CD99L2: variants seen among roughly 807,000 people sequenced by gnomAD.
CD99L2 encodes the protein CD99 antigen-like protein 2.
In CD99L2, 24 loss-of-function variants were observed where a neutral mutation model predicts 27.3. That is an observed-to-expected ratio of 0.88 (90% CI 0.64 to 1.24). CD99L2 has a LOEUF of 1.24. CD99L2 is among the 50% of genes most tolerant of loss of function. CD99L2 has a pLI of 0.00. For synonymous variants in CD99L2, 97 were observed against 87.9 expected (o/e 1.10, Z -0.58); for missense variants, 255 against 221.6 (o/e 1.15, Z -0.96).
chrX:150,798,055 G>T (rs2045826126), intron 4 of CD99L2, among the ~76,000 whole-genome samples: 1 of 85,910 alleles, frequency 1.2e-5, no homozygotes, highest in Non-Finnish European at 2.3e-5. Flanking sequence ...AAAAGAAGAA[G>T]AAGAAGGAGA....
At chrX:150,769,220 C>T (rs1321342224) in intron 10 of CD99L2, 119 bp from the exon 11 acceptor site, 7 of 850,698 alleles carry the variant, frequency 8.2e-6, no homozygotes, top group South Asian at 2.7e-5. Flanking sequence ...CCCTGGGGGG[C>T]CGCTTAGCAA....
At chrX:150,896,545 G>A (rs1470423422) in intron 1 of CD99L2, among the ~76,000 whole-genome samples, 1 of 112,288 alleles carries the variant, frequency 8.9e-6, no homozygotes, top group Non-Finnish European at 1.9e-5. Flanking sequence ...TATCTAGCCT[G>A]CAAAATTGTC....
At chrX:150,868,911 G>A (rs67008615) in intron 1 of CD99L2, among the ~76,000 whole-genome samples, 25,635 of 111,203 alleles carry the variant, frequency 0.23, 2,532 homozygotes, top group African/African-American at 0.39. Flanking sequence ...CACACATGAG[G>A]ATCAATAAAC....
chrX:150,808,242 G>T (rs1253832582), intron 4 of CD99L2, among the ~76,000 whole-genome samples: 3 of 112,460 alleles, frequency 2.7e-5, no homozygotes, highest in African/African-American at 9.7e-5. Context: ...ATGCCACATG[G>T]CTGTGTAAGG....
Position 150,816,065 on chromosome X carries a change from G to A in CD99L2, c.144C>T (p.His48=). The change falls in exon 3 of 11, where the codon CAC becomes CAT. Residue 48 remains histidine (H), a synonymous_variant. Coordinates refer to ENST00000370377, the MANE Select transcript of CD99L2 (RefSeq NM_031462.4). The stretch of plus-strand genomic sequence containing the variant: ...GCCTATTGGTTGTGGTGGTGGTGGT[G>A]TGGTCCCATGGCTCTAAAAGGGAGA... ...ETSSVKQPWD[H]TTTTTTNRPG... The A allele has an allele frequency of 8.3e-7, 1 of 1,211,317 alleles. No homozygotes were observed. The highest frequency in any genetic ancestry group is 1.1e-6 in the Non-Finnish European group (1 of 895,310).
intron 2 of CD99L2, among the ~76,000 whole-genome samples, chrX:150,825,480 G>A (rs782245895): frequency 3.6e-5 from 4 of 111,995 alleles, no homozygotes; most frequent in Non-Finnish European, 5.6e-5. Context: ...GAAACGTCTC[G>A]TTTCTCTGAA....
chrX:150,803,756 T>C (rs2037431106), intron 4 of CD99L2, among the ~76,000 whole-genome samples: 1 of 111,927 alleles, frequency 8.9e-6, no homozygotes, highest in Admixed American at 9.5e-5. Context: ...TCACACCTTA[T>C]TAAAAATGAG....
chrX:150,833,402 G>A (rs781942454), intron 1 of CD99L2, among the ~76,000 whole-genome samples: 5 of 111,482 alleles, frequency 4.5e-5, no homozygotes, highest in East Asian at 2.8e-4. Flanking sequence ...CTACAGATAC[G>A]ATGTAATTTT....
chrX:150,852,060 C>G lies in CD99L2; in HGVS notation c.68-20767G>C, dbSNP rs189392034. Among the ~76,000 whole-genome samples, 4 of 112,052 alleles carry G rather than the reference C, an allele frequency of 3.6e-5. No homozygotes were observed. In the Admixed American group the frequency reaches 3.8e-4, roughly 11 times the overall value. On this transcript the variant is annotated intron_variant, in intron 1 of 10. Transcript: ENST00000370377. ...CTGTTTCAAGCATTTAAATTGTTCA[C>G]TACTGCTTGGATGAAAGAACTCTTC...
At chrX:150,880,621 G>C (rs1197519459) in intron 1 of CD99L2, among the ~76,000 whole-genome samples, 1 of 111,670 alleles carries the variant, frequency 9.0e-6, no homozygotes, top group Non-Finnish European at 1.9e-5. Flanking sequence ...GATAATGAGA[G>C]TGATGGTTGC....
chrX:150,837,821 C>A (rs1459668840), intron 1 of CD99L2, among the ~76,000 whole-genome samples: 1 of 112,162 alleles, frequency 8.9e-6, no homozygotes, highest in Non-Finnish European at 1.9e-5. Flanking sequence ...CAGAATAATT[C>A]AAATTCATTT....
intron 1 of CD99L2, among the ~76,000 whole-genome samples, chrX:150,878,224 G>C (rs998035797): frequency 9.1e-6 from 1 of 109,906 alleles, no homozygotes; most frequent in Non-Finnish European, 1.9e-5. Context: ...TGTAATCCCA[G>C]CTACTCAGGA....
At chrX:150,870,968 A>C (rs1203281335) in intron 1 of CD99L2, among the ~76,000 whole-genome samples, 4 of 112,029 alleles carry the variant, frequency 3.6e-5, no homozygotes, top group African/African-American at 1.3e-4. Flanking sequence ...CTGAGCATCT[A>C]CAGGAACTAG....
At chrX:150,786,999 C>T (rs928686159) in intron 7 of CD99L2, among the ~76,000 whole-genome samples, 6 of 111,601 alleles carry the variant, frequency 5.4e-5, no homozygotes, top group African/African-American at 1.3e-4. Context: ...GCTTGTTGGC[C>T]GCATGTATGT....
chrX:150,774,332 C>T (rs182600579), intron 9 of CD99L2, among the ~76,000 whole-genome samples: 3 of 111,500 alleles, frequency 2.7e-5, no homozygotes, highest in Admixed American at 9.5e-5. Context: ...TCCTGGCAAG[C>T]GGGATGCTCT....
intron 2 of CD99L2, among the ~76,000 whole-genome samples, chrX:150,820,988 A>G (rs1377901857): frequency 8.9e-6 from 1 of 112,370 alleles, no homozygotes; most frequent in Admixed American, 9.4e-5. Context: ...CATGTACACT[A>G]AAAGTTACAA....
intron 1 of CD99L2, among the ~76,000 whole-genome samples, chrX:150,849,674 T>C (rs549807087): frequency 9.0e-6 from 1 of 111,520 alleles, no homozygotes; most frequent in East Asian, 2.8e-4. Context: ...AGAGGTAGAC[T>C]CTGTCTCAAA....
At chrX:150,882,562 T>C (rs1364777597) in intron 1 of CD99L2, among the ~76,000 whole-genome samples, 2 of 108,569 alleles carry the variant, frequency 1.8e-5, no homozygotes, top group Non-Finnish European at 3.8e-5. Flanking sequence ...CCATCTCTAC[T>C]AAAAATACTA....
At position 150,898,661 on chromosome X, in the gene CD99L2, A is replaced by G. The variant is rs1603332091; in HGVS notation, c.-73T>C. On this transcript the variant is annotated 5_prime_UTR_variant, in exon 1 of 11. Transcript: ENST00000370377. ...GCGCCCGAAGGGGAGGCCGAGGAGG[A>G]GCGGGAGGAGGAGCCCCGCCGCCTC... The G allele has an allele frequency of 1.1e-6, 1 of 949,570 alleles. No individual in the cohort carries two copies. The highest frequency in any genetic ancestry group is 1.4e-6 in the Non-Finnish European group (1 of 728,468). The allele number at this position is 949,570 out of a possible 1,213,427, so 78.3% of individuals were successfully genotyped here. A position where few individuals can be genotyped will look rare whatever the true frequency, so the allele number is the denominator to read the frequency against.
Sources: gnomAD v4.1 joint callset for allele counts (sites outside exome capture counted in the v4.1 genomes callset) on GRCh38, gnomAD v4.1.1 for gene constraint, MANE v1.5 for transcripts, NCBI Gene and HGNC (gene_info 2026-07-23, HGNC 2026-07-21) for gene names.